FBXW8: variants seen among roughly 807,000 people sequenced by gnomAD.
FBXW8 encodes the protein F-box and WD repeat domain containing 8, also known as F-box/WD repeat-containing protein 8.
FBXW8 carries 57 observed loss-of-function variants against 65.3 expected under a neutral mutation model. The observed-to-expected ratio is 0.87, with a 90% CI of 0.71 to 1.09. The LOEUF (loss-of-function observed/expected upper bound fraction) is 1.09, where lower values mean the gene tolerates loss of function less well. Ranked by LOEUF, FBXW8 falls within the 50% of genes least tolerant of loss-of-function variation. FBXW8 has a pLI of 0.00. For missense variants in FBXW8, 777 were observed against 814.8 expected, an observed-to-expected ratio of 0.95 and a Z score of 0.57; for synonymous variants, 308 against 330.2, an observed-to-expected ratio of 0.93 and a Z score of 0.73.
In FBXW8 at chr12:117,027,453, A is replaced by T. The variant is rs752208312; in HGVS notation, c.1601A>T (p.Tyr534Phe). ...AGCCTCATCACGGCCAACGTGCCTTACCAGACGGTAATGCGAAACGCCGAC... is the reference window on the plus strand; with the variant it reads ...AGCCTCATCACGGCCAACGTGCCTTTCCAGACGGTAATGCGAAACGCCGAC... Reference protein sequence around the residue: ...SHSLITANVPYQTVMRNADLD... With the variant: ...SHSLITANVPFQTVMRNADLD... Residue 534 changes from tyrosine (Y) to phenylalanine (F), a missense_variant, in exon 10 of 11, where the codon TAC becomes TTC. Tyr to Phe is a conservative substitution (Grantham distance 22). Coordinates refer to ENST00000652555, the MANE Select transcript of FBXW8 (RefSeq NM_153348.3). 5 of 1,614,006 alleles carry T rather than the reference A, an allele frequency of 3.1e-6. No individual in the cohort carries two copies. The highest frequency in any genetic ancestry group is 1.3e-5 in the African/African-American group (1 of 74,906).
intron 4 of FBXW8, among the ~76,000 whole-genome samples, chr12:116,960,033 G>GTGGTATGTCA (rs1302421915): frequency 2.0e-5 from 3 of 152,208 alleles, no homozygotes; most frequent in Non-Finnish European, 2.9e-5. Context: ...TACTGACAAT[G>GTGGTATGTCA]TAACTGTCAT....
intron 7 of FBXW8, among the ~76,000 whole-genome samples, chr12:116,998,267 C>T (rs984814994): frequency 6.6e-6 from 1 of 152,218 alleles, no homozygotes; most frequent in African/African-American, 2.4e-5. Context: ...AGAGGGCTGG[C>T]ACCAAGTCTT....
intron 1 of FBXW8, among the ~76,000 whole-genome samples, chr12:116,913,970 A>C (rs1880200453): frequency 6.6e-6 from 1 of 152,068 alleles, no homozygotes; most frequent in Non-Finnish European, 1.5e-5. Context: ...GGCACCTCTA[A>C]TTTTAAAGAG....
intron 7 of FBXW8, among the ~76,000 whole-genome samples, chr12:117,009,364 C>G (rs1472159409): frequency 6.6e-6 from 1 of 152,154 alleles, no homozygotes; most frequent in African/African-American, 2.4e-5. Context: ...TGCACTCCAG[C>G]CTGGGTGACA....
At chr12:116,974,883 C>G (rs1456300581) in intron 5 of FBXW8, among the ~76,000 whole-genome samples, 1 of 151,890 alleles carries the variant, frequency 6.6e-6, no homozygotes, top group Non-Finnish European at 1.5e-5. Flanking sequence ...TTTATGGGAC[C>G]CAAAAGTAAG....
chr12:116,942,195 ATTT>A (rs758383181), intron 2 of FBXW8, among the ~76,000 whole-genome samples: 2 of 141,944 alleles, frequency 1.4e-5, no homozygotes, highest in African/African-American at 2.6e-5. Context: ...CATCTGGCTA[ATTT>A]TTTTTTTTTT....
chr12:116,975,115 T>A (rs962149458), intron 5 of FBXW8, among the ~76,000 whole-genome samples: 1 of 152,116 alleles, frequency 6.6e-6, no homozygotes, highest in Non-Finnish European at 1.5e-5. Context: ...ACAGTAGTAG[T>A]TGAATTGCTG....
At chr12:117,016,734 A>T (rs1953957359) in intron 8 of FBXW8, among the ~76,000 whole-genome samples, 1 of 151,810 alleles carries the variant, frequency 6.6e-6, no homozygotes, top group Non-Finnish European at 1.5e-5. Flanking sequence ...TTAACTCCTA[A>T]GTTTTCTTCA....
chr12:116,913,210 GC>G (rs1880135796), intron 1 of FBXW8, among the ~76,000 whole-genome samples: 1 of 152,202 alleles, frequency 6.6e-6, no homozygotes, highest in Non-Finnish European at 1.5e-5. Context: ...CTACTGTATA[GC>G]CTCCTTTGGT....
chr12:116,945,222 TCCACCTCATAG>T, intron 2 of FBXW8, 131 bp from the exon 3 acceptor site: 1 of 667,062 alleles, frequency 1.5e-6, no homozygotes, highest in African/African-American at 1.8e-5. Context: ...TATTTTTTTT[TCCACCTCATAG>T]TGTTTTGTTA....
intron 1 of FBXW8, among the ~76,000 whole-genome samples, chr12:116,915,809 C>T (rs957720276): frequency 2.6e-5 from 4 of 151,886 alleles, no homozygotes; most frequent in Admixed American, 6.6e-5. Flanking sequence ...TGCACCACCA[C>T]GGCCTGCTCA....
Position 116,965,513 on chromosome 12 carries a change from A to G in FBXW8, c.835+659A>G, listed in dbSNP as rs574727945. Among the ~76,000 whole-genome samples, 3 of 152,242 alleles carry G rather than the reference A, an allele frequency of 2.0e-5. No individual in the cohort carries two copies. In the East Asian group the frequency reaches 5.8e-4, roughly 29 times the overall value. ...ATGATATCCAGTATGCCCACCTGTCATGCTCCTATCCTCCGTTATGTTGTG... is the reference window on the plus strand; with the variant it reads ...ATGATATCCAGTATGCCCACCTGTCGTGCTCCTATCCTCCGTTATGTTGTG... On this transcript the variant is annotated intron_variant, in intron 5 of 10. Transcript: ENST00000652555.
intron 5 of FBXW8, among the ~76,000 whole-genome samples, chr12:116,977,233 T>C (rs1387571664): frequency 6.6e-6 from 1 of 152,234 alleles, no homozygotes; most frequent in Non-Finnish European, 1.5e-5. Context: ...TTTATTACTT[T>C]CCTTGAAAGG....
At chr12:117,014,655 T>G (rs114590910) in intron 8 of FBXW8, among the ~76,000 whole-genome samples, 122 of 152,290 alleles carry the variant, frequency 8.0e-4, no homozygotes, top group African/African-American at 2.7e-3. Flanking sequence ...GTTTACCCTT[T>G]GTGGGTGGTG....
intron 4 of FBXW8, among the ~76,000 whole-genome samples, chr12:116,957,306 C>T (rs1883712367): frequency 6.6e-6 from 1 of 152,168 alleles, no homozygotes; most frequent in South Asian, 2.1e-4. Context: ...AGGATCATGC[C>T]ACTGCACTCC....
chr12:117,008,801 A>G (rs1953737076), intron 7 of FBXW8, among the ~76,000 whole-genome samples: 1 of 152,244 alleles, frequency 6.6e-6, no homozygotes, highest in African/African-American at 2.4e-5. Context: ...AAATACTACT[A>G]TTAAAACCTT....
chr12:116,945,506 A>C lies in FBXW8; in HGVS notation c.566A>C (p.His189Pro), dbSNP rs138622771. 1.9e-4 allele frequency: 311 copies of C among 1,614,010 alleles called. 1 individual carries two copies. The highest frequency in any genetic ancestry group is 3.2e-5 in the Non-Finnish European group (38 of 1,179,992). Reference sequence around the variant, plus strand: ...TTCCAAGAGTGCCGAGCCAAGGAACACATGTTACGAACCAACTGGAAGGTG... The same window carrying C: ...TTCCAAGAGTGCCGAGCCAAGGAACCCATGTTACGAACCAACTGGAAGGTG... ...LIFQECRAKE[H>P]MLRTNWKNRK... Residue 189 changes from histidine (H) to proline (P), a missense_variant, in exon 3 of 11, where the codon CAC (histidine) becomes CCC (proline). Transcript: ENST00000652555.
Position 117,019,302 on chromosome 12 carries a change from C to T in FBXW8, c.1368-4845C>T, listed in dbSNP as rs2279887. On this transcript the variant is annotated intron_variant, in intron 8 of 10. Coordinates refer to ENST00000652555, the MANE Select transcript of FBXW8 (RefSeq NM_153348.3). Reference sequence around the variant, plus strand: ...GAATTTTGGATCTAGCAGACCTCTTCAAGACCATCTAATGCTGGTCCAGAA... The same window carrying T: ...GAATTTTGGATCTAGCAGACCTCTTTAAGACCATCTAATGCTGGTCCAGAA... Among the ~76,000 whole-genome samples the T allele has an allele frequency of 2.0e-5, 3 of 152,322 alleles. No individual in the cohort carries two copies. The East Asian group carries it at 5.8e-4, about 29-fold the overall frequency.
At position 116,985,394 on chromosome 12, in the gene FBXW8, C is replaced by A; in HGVS notation, c.1024C>A (p.Pro342Thr). 4 of 1,610,984 alleles carry A rather than the reference C, an allele frequency of 2.5e-6. No individual in the cohort carries two copies. The highest frequency in any genetic ancestry group is 3.4e-6 in the Non-Finnish European group (4 of 1,179,262). ...GCAGATAGCTGCGGAATTTGAAGTTCCGAAACTGGTGAGCTTTTTAGTCTG... is the reference window on the plus strand; with the variant it reads ...GCAGATAGCTGCGGAATTTGAAGTTACGAAACTGGTGAGCTTTTTAGTCTG... ...YWQIAAEFEV[P>T]KLVQYLEIVP... The change falls in exon 6 of 11, where the codon CCG becomes ACG. Residue 342 changes from proline to threonine, a missense_variant. Coordinates refer to ENST00000652555, the MANE Select transcript of FBXW8 (RefSeq NM_153348.3).
Sources: allele counts gnomAD v4.1 joint callset (sites outside exome capture counted in the v4.1 genomes callset), GRCh38; gene constraint gnomAD v4.1.1; transcripts MANE v1.5; gene names NCBI Gene and HGNC (gene_info 2026-07-23, HGNC 2026-07-21).